RIPK1: variants seen among roughly 807,000 people sequenced by gnomAD.
The protein encoded by RIPK1 is receptor interacting serine/threonine kinase 1, also known as receptor-interacting serine/threonine-protein kinase 1.
RIPK1 carries 27 observed loss-of-function variants against 62.4 expected under a neutral mutation model. The ratio of observed to expected loss-of-function variants is 0.43; its 90% CI spans 0.32 to 0.60. RIPK1 has a LOEUF of 0.60. Ranked by LOEUF, RIPK1 falls within the 20% of genes least tolerant of loss-of-function variation. The pLI, the probability that RIPK1 is intolerant of heterozygous loss-of-function variation, is 0.07. For synonymous variants in RIPK1, 287 were observed against 303.2 expected (o/e 0.95, Z 0.55); for missense variants, 735 against 831.0 (o/e 0.88, Z 1.42).
At chr6:3,106,383 CCTTG>C (rs1401435887) in intron 9 of RIPK1, among the ~76,000 whole-genome samples, 3 of 152,148 alleles carry the variant, frequency 2.0e-5, no homozygotes, top group Non-Finnish European at 4.4e-5. Context: ...TTTGCTTTTA[CCTTG>C]CTTGCTACTT....
chr6:3,104,302 C>A lies in RIPK1; in HGVS notation c.993C>A (p.Ser331Arg). 2 of 1,579,374 alleles carry A rather than the reference C, an allele frequency of 1.3e-6. No homozygotes were observed. Among genetic ancestry groups the A allele is most frequent in the Non-Finnish European group, 8.7e-7 (1 of 1,150,036 alleles). The change falls in exon 8 of 11, where the codon AGC becomes AGA. Residue 331 changes from serine to arginine, a missense_variant. This residue lies in a region of RIPK1 where 671 missense variants were observed against 726.2 expected (regional missense o/e 0.92). Transcript: ENST00000259808. ...TTGATTGTGTGGCAGTACCTTCAAG[C>A]CGGTCAAATTCAGGTAAATTACACT... ...LQLDCVAVPS[S>R]RSNSATEQPG...
intron 2 of RIPK1, 111 bp downstream of exon 2, chr6:3,077,098 C>T (rs947902280): frequency 1.2e-5 from 12 of 986,540 alleles, no homozygotes; most frequent in Non-Finnish European, 1.6e-5. Context: ...TGAGAGGGAG[C>T]CTGCCAAGAT....
chr6:3,064,719 AG>A (rs1248532556), upstream of RIPK1, among the ~76,000 whole-genome samples: 3 of 152,198 alleles, frequency 2.0e-5, no homozygotes, highest in African/African-American at 7.2e-5. Context: ...GCGGTGTTTG[AG>A]GGTGAGTGGA....
At chr6:3,068,227 G>A (rs1758471617), upstream of RIPK1, 10 of 985,398 alleles carry the variant, frequency 1.0e-5, 1 homozygote, top group South Asian at 4.2e-4. Flanking sequence ...AACCCGCAGA[G>A]CTCTGAATCC....
intron 2 of RIPK1, 75 bp from the exon 3 acceptor site, chr6:3,077,704 T>C: frequency 6.7e-7 from 1 of 1,482,244 alleles, no homozygotes; most frequent in Non-Finnish European, 9.3e-7. Context: ...GTGGGAGTGA[T>C]GTGTTGGAGG....
At chr6:3,075,769 T>G (rs954410618) in intron 1 of RIPK1, among the ~76,000 whole-genome samples, 2 of 152,200 alleles carry the variant, frequency 1.3e-5, no homozygotes, top group Admixed American at 1.3e-4. Context: ...AGTTCATAGT[T>G]TAGGCGATCC....
intron 3 of RIPK1, among the ~76,000 whole-genome samples, 178 bp from the exon 4 acceptor site, chr6:3,080,801 C>T (rs1343192634): frequency 8.0e-6 from 1 of 125,024 alleles, no homozygotes; most frequent in Non-Finnish European, 1.6e-5. Context: ...TACCCTCTGC[C>T]CCCCCCCGAA....
rs748581478 is a variant in RIPK1, at chr6:3,068,574, G to C, written c.-148G>C. 1 of 985,362 alleles carries C rather than the reference G, an allele frequency of 1.0e-6. No homozygotes were observed. Among genetic ancestry groups the C allele is most frequent in the Non-Finnish European group, 1.2e-6 (1 of 829,948 alleles). The allele number at this position is 985,362 out of a possible 1,614,324, so 61.0% of individuals were successfully genotyped here. On this transcript the variant is annotated 5_prime_UTR_variant, in exon 1 of 11. Coordinates refer to ENST00000259808, the MANE Select transcript of RIPK1 (RefSeq NM_001354930.2). ...GCGCGGCGACTCCAGGGGACCCACA[G>C]CTGGGGCGCCAGAGCGCGGCCATCC... is the stretch of plus-strand genomic sequence containing the variant.
intron 10 of RIPK1, among the ~76,000 whole-genome samples, chr6:3,112,790 T>C (rs1204392712): frequency 6.6e-6 from 1 of 152,162 alleles, no homozygotes; most frequent in African/African-American, 2.4e-5. Flanking sequence ...CCTCCTGCCT[T>C]GGCCTCCCAA....
At chr6:3,104,725 G>A (rs941512319) in intron 8 of RIPK1, among the ~76,000 whole-genome samples, 3 of 152,132 alleles carry the variant, frequency 2.0e-5, no homozygotes, top group Non-Finnish European at 4.4e-5. Flanking sequence ...TACTGAAGCC[G>A]CTTAGCTACC....
intron 7 of RIPK1, 98 bp downstream of exon 7, chr6:3,089,755 G>A: frequency 1.3e-6 from 1 of 747,886 alleles, no homozygotes; most frequent in Non-Finnish European, 2.3e-6. Context: ...GAGATTTGAG[G>A]TAAGCTAGCT....
upstream of RIPK1, among the ~76,000 whole-genome samples, chr6:3,067,496 A>G (rs1758434592): frequency 6.6e-6 from 1 of 152,116 alleles, no homozygotes; most frequent in African/African-American, 2.4e-5. Context: ...CATGATGTTG[A>G]GCATCTTTTC....
Position 3,072,404 on chromosome 6 carries a change from T to A in RIPK1, c.-61+3743T>A, listed in dbSNP as rs199516080. On this transcript the variant is annotated intron_variant, in intron 1 of 10. Transcript: ENST00000259808. This position sits in a 1 kb window ranked among gnomAD's most constrained non-coding sequence, Gnocchi z 5.6. ...TTATCTATTTACATATATATATATA[T>A]AAAACACACACAAATGTGAATATAA... is the stretch of plus-strand genomic sequence containing the variant. Among the ~76,000 whole-genome samples the A allele has an allele frequency of 6.9e-6, 1 of 145,816 alleles. No homozygotes were observed. Among genetic ancestry groups the A allele is most frequent in the Non-Finnish European group, 1.5e-5 (1 of 65,592 alleles).
chr6:3,108,937 C>T (rs1332454598), intron 9 of RIPK1, among the ~76,000 whole-genome samples: 1 of 152,140 alleles, frequency 6.6e-6, no homozygotes, highest in African/African-American at 2.4e-5. Context: ...GCCAGGTGTG[C>T]TGACGGAGGT....
intron 10 of RIPK1, 98 bp downstream of exon 10, chr6:3,111,053 C>A: frequency 1.2e-6 from 1 of 827,436 alleles, no homozygotes; most frequent in Non-Finnish European, 1.7e-6. Context: ...GATAATTCTT[C>A]TTGAAAGTTT....
intron 3 of RIPK1, among the ~76,000 whole-genome samples, chr6:3,080,032 C>G (rs934490893): frequency 6.6e-5 from 10 of 152,202 alleles, no homozygotes; most frequent in Admixed American, 6.5e-4. Flanking sequence ...TTTGCTTACT[C>G]AGAAGTTTTT....
chr6:3,102,633 C>T (rs1581428179), intron 7 of RIPK1, among the ~76,000 whole-genome samples: 1 of 152,166 alleles, frequency 6.6e-6, no homozygotes, highest in Non-Finnish European at 1.5e-5. Flanking sequence ...CAGAGTCTCC[C>T]TCTGTTGCCC....
At chr6:3,098,251 G>A (rs1367104923) in intron 7 of RIPK1, among the ~76,000 whole-genome samples, 1 of 152,204 alleles carries the variant, frequency 6.6e-6, no homozygotes, top group Non-Finnish European at 1.5e-5. Flanking sequence ...CAAAGGACTT[G>A]AATACATAAA....
At chr6:3,073,194 C>CATACACACATACAAATATGTGTATAT (rs1325387889) in intron 1 of RIPK1, among the ~76,000 whole-genome samples, 1 of 150,358 alleles carries the variant, frequency 6.7e-6, no homozygotes, top group African/African-American at 2.4e-5. Flanking sequence ...ACAATATATG[C>CATACACACATACAAATATGTGTATAT]ATACACACAT....
Sources: gnomAD v4.1 joint callset for allele counts (sites outside exome capture counted in the v4.1 genomes callset) on GRCh38, gnomAD v4.1.1 for gene constraint, gnomAD v4.1.1 regional missense constraint, Gnocchi (gnomAD v3.1) non-coding constraint, MANE v1.5 for transcripts, NCBI Gene and HGNC (gene_info 2026-07-23, HGNC 2026-07-21) for gene names.